The following TGM1 variants were observed in gnomAD, a reference collection of about 807,000 sequenced individuals.
The protein encoded by TGM1 is protein-glutamine gamma-glutamyltransferase K.
In TGM1, 63 loss-of-function variants were observed where a neutral mutation model predicts 88.7. The ratio of observed to expected loss-of-function variants is 0.71; its 90% CI spans 0.58 to 0.88. The LOEUF (loss-of-function observed/expected upper bound fraction) is 0.88. TGM1 is among the 40% of genes least tolerant of loss of function. TGM1 has a pLI of 0.00. For missense variants in TGM1, 996 were observed against 1,118.0 expected (o/e 0.89, Z 1.56); for synonymous variants, 415 against 431.1 (o/e 0.96, Z 0.46).
At position 24,260,497 on chromosome 14, in the gene TGM1, A is replaced by G; in HGVS notation, c.710T>C (p.Phe237Ser). ...QSDAGEFQLPFDPRNEIYILF... is the reference protein window; with the variant it reads ...QSDAGEFQLPSDPRNEIYILF... Reference sequence around the variant, plus strand: ...GATGTAGATCTCATTGCGGGGGTCAAAGGGCAACTGGAACTCCCCAGCGTC... The same window carrying G: ...GATGTAGATCTCATTGCGGGGGTCAGAGGGCAACTGGAACTCCCCAGCGTC... Residue 237 changes from phenylalanine to serine, a missense_variant, in exon 4 of 15, where the codon TTT becomes TCT. Phe to Ser is a radical substitution (Grantham distance 155). Coordinates refer to ENST00000206765, the MANE Select transcript of TGM1 (RefSeq NM_000359.3). 6.2e-7 allele frequency: 1 copy of G among 1,613,852 alleles called. No homozygotes were observed. The highest frequency in any genetic ancestry group is 8.5e-7 in the Non-Finnish European group (1 of 1,179,908).
chr14:24,259,579 C>A lies in TGM1; in HGVS notation c.984+125G>T. Reference sequence around the variant, plus strand: ...GGAGGGAGACCCCTTCCTGAAGTATCCTTTACGAGGGCAGGGACAGGGCTG... The same window carrying A: ...GGAGGGAGACCCCTTCCTGAAGTATACTTTACGAGGGCAGGGACAGGGCTG... On this transcript the variant is annotated intron_variant, in intron 6 of 14. Transcript: ENST00000206765. The surrounding 1 kb of genome is among the most constrained non-coding windows in gnomAD (Gnocchi z 5.7). 2 of 836,778 alleles carry A rather than the reference C, an allele frequency of 2.4e-6. No individual in the cohort carries two copies. Among genetic ancestry groups the A allele is most frequent in the South Asian group, 1.4e-5 (1 of 69,566 alleles). The allele number at this position is 836,778 out of a possible 1,614,324, so 51.8% of individuals were successfully genotyped here. A position where few individuals can be genotyped will look rare whatever the true frequency, so the allele number is the denominator to read the frequency against.
rs1673008007 is a variant in TGM1 at position 24,255,853 on chromosome 14, CCT to C, written c.1491+134_1491+135del. On this transcript the variant is annotated intron_variant, in intron 10 of 14. Coordinates refer to ENST00000206765, the MANE Select transcript of TGM1 (RefSeq NM_000359.3). The surrounding 1 kb of genome is among the most constrained non-coding windows in gnomAD (Gnocchi z 4.0). ...GGAAGCAAGGCAGCCTTGATTATCC[CCT>C]TTTACAGGTGAGGAAACTGACTTGT... The C allele has an allele frequency of 3.7e-5, 30 of 806,060 alleles. No individual in the cohort carries two copies. In the East Asian group the frequency reaches 7.4e-4, roughly 20 times the overall value. The allele number at this position is 806,060 out of a possible 1,614,324, so 49.9% of individuals were successfully genotyped here.
chr14:24,261,459 G>T (rs1032943641), intron 3 of TGM1, among the ~76,000 whole-genome samples: 1 of 152,178 alleles, frequency 6.6e-6, no homozygotes, highest in African/African-American at 2.4e-5. Flanking sequence ...CTGAAGAGGA[G>T]TACTCTGAGA....
intron 14 of TGM1, among the ~76,000 whole-genome samples, chr14:24,252,045 A>C (rs913743527): frequency 8.5e-5 from 13 of 152,202 alleles, no homozygotes; most frequent in Non-Finnish European, 7.4e-5. Context: ...TGGAATGTTT[A>C]TTAAGTGGCC....
intron 14 of TGM1, among the ~76,000 whole-genome samples, chr14:24,251,164 C>T (rs1327390558): frequency 6.6e-6 from 1 of 152,130 alleles, no homozygotes; most frequent in Non-Finnish European, 1.5e-5. Flanking sequence ...TGTTTCTGAG[C>T]TCTCTGAAGG....
chr14:24,256,195 C>A, intron 9 of TGM1, 118 bp from the exon 10 acceptor site: 1 of 818,534 alleles, frequency 1.2e-6, no homozygotes, highest in Non-Finnish European at 2.1e-6. Flanking sequence ...GTCCCACTGC[C>A]TGGTGGCCTC....
rs956129522 is a variant in TGM1 at position 24,258,686 on chromosome 14, G to A, written c.1160-13C>T. 1.5e-5 allele frequency: 24 copies of A among 1,613,112 alleles called. No homozygotes were observed. The highest frequency in any genetic ancestry group is 1.2e-4 in the African/African-American group (9 of 74,940). ...AGGCAGCGCAGCACTGTGGAGGAGC[G>A]AAGGTTGGGGTTCAAGGCATGGGTT... On this transcript the variant is annotated splice_polypyrimidine_tract_variant and intron_variant, in intron 7 of 14. Coordinates refer to ENST00000206765, the MANE Select transcript of TGM1 (RefSeq NM_000359.3).
rs2040828630 is a variant in TGM1, at chr14:24,263,142, G to C, written c.-56C>G. ...TGAGTCCTGGGGCTGAGATGGAACA[G>C]GTCAGGATGGATGGGACAGGACCCA... is the stretch of plus-strand genomic sequence containing the variant. On this transcript the variant is annotated 5_prime_UTR_variant, in exon 1 of 15. Coordinates refer to ENST00000206765, the MANE Select transcript of TGM1 (RefSeq NM_000359.3). 1 of 153,074 alleles carries C rather than the reference G, an allele frequency of 6.5e-6. No homozygotes were observed. Among genetic ancestry groups the C allele is most frequent in the South Asian group, 2.1e-4 (1 of 4,852 alleles). The allele number at this position is 153,074 out of a possible 1,614,324, so 9.5% of individuals were successfully genotyped here. A position where few individuals can be genotyped will look rare whatever the true frequency, so the allele number is the denominator to read the frequency against.
At chr14:24,249,948 A>C (rs930001398) in intron 14 of TGM1, among the ~76,000 whole-genome samples, 2 of 152,164 alleles carry the variant, frequency 1.3e-5, no homozygotes, top group Non-Finnish European at 2.9e-5. Flanking sequence ...GCCCAACACA[A>C]TATTTTCAAA....
rs2040776947 is a variant in TGM1, at chr14:24,258,525, C to T, written c.1298+10G>A. The T allele has an allele frequency of 1.2e-6, 2 of 1,614,170 alleles. No homozygotes were observed. Among genetic ancestry groups the T allele is most frequent in the East Asian group, 4.5e-5 (2 of 44,884 alleles). ...TCTTCAGCACAGATGGGCAGTCCAC[C>T]CCAGCTCACCAGACAGAATCATGGT... On this transcript the variant is annotated intron_variant, in intron 8 of 14. Transcript: ENST00000206765.
intron 3 of TGM1, among the ~76,000 whole-genome samples, chr14:24,261,439 G>A (rs556202115): frequency 2.6e-5 from 4 of 152,282 alleles, no homozygotes; most frequent in South Asian, 4.1e-4. Flanking sequence ...AGGAGGCACC[G>A]AGGCAGGCCC....
Position 24,262,295 on chromosome 14 carries a change from G to A in TGM1, c.58C>T (p.Pro20Ser), listed in dbSNP as rs1297093834. 1 of 1,613,582 alleles carries A rather than the reference G, an allele frequency of 6.2e-7. No individual in the cohort carries two copies. Among genetic ancestry groups the A allele is most frequent in the Non-Finnish European group, 8.5e-7 (1 of 1,180,016 alleles). The change falls in exon 2 of 15, where the codon CCT becomes TCT. Residue 20 changes from proline (P) to serine (S), a missense_variant. Physicochemically the swap from Pro to Ser is moderately conservative, Grantham distance 74. Coordinates refer to ENST00000206765, the MANE Select transcript of TGM1 (RefSeq NM_000359.3). ...TCTGGCTCTGGAGATGGCGTGGTAG[G>A]GGGCTGCAAGGGGTTGCCACCCCAA... ...GRWGGNPLQP[P>S]TTPSPEPEPE...
intron 14 of TGM1, among the ~76,000 whole-genome samples, 161 bp from the exon 15 acceptor site, chr14:24,249,702 C>T (rs955727778): frequency 1.3e-5 from 2 of 152,260 alleles, no homozygotes; most frequent in South Asian, 2.1e-4. Context: ...ATCCCCAGGG[C>T]GCCTCTGCAT....
At chr14:24,261,974 G>T (rs2040815027) in intron 2 of TGM1, 60 bp downstream of exon 2, 2 of 1,610,420 alleles carry the variant, frequency 1.2e-6, no homozygotes, top group African/African-American at 2.7e-5. Flanking sequence ...ATGCCAGGCT[G>T]AGTCTCTGGT....
rs2040812982 is a variant in TGM1 at position 24,261,851 on chromosome 14, G to C, written c.352C>G (p.Leu118Val). 1 of 1,613,886 alleles carries C rather than the reference G, an allele frequency of 6.2e-7. No individual in the cohort carries two copies. Among genetic ancestry groups the C allele is most frequent in the Non-Finnish European group, 8.5e-7 (1 of 1,180,012 alleles). ...GMLVVNGVDL[L>V]SSRSDQNRRE... ...CGGTTCTGGTCCGAGCGCGAGCTCA[G>C]CAAGTCCACACCGTTCACTACTAGC... is the stretch of plus-strand genomic sequence containing the variant. The change falls in exon 3 of 15, where the codon CTG becomes GTG. Residue 118 changes from leucine (L) to valine (V), a missense_variant. Physicochemically the swap from Leu to Val is conservative, Grantham distance 32 (BLOSUM62 1). Transcript: ENST00000206765.
At chr14:24,262,452 G>T in intron 1 of TGM1, 98 bp from the exon 2 acceptor site, 2 of 1,314,438 alleles carry the variant, frequency 1.5e-6, no homozygotes, top group South Asian at 1.3e-5. Flanking sequence ...CCCACCCGAT[G>T]ACCGAAACAA....
In TGM1 at chr14:24,259,169, C is replaced by A; in HGVS notation, c.1065G>T (p.Trp355Cys). Reference protein sequence around the residue: ...DYSRGTNPSAWVGSVEILLSY... With the variant: ...DYSRGTNPSACVGSVEILLSY... ...TAAGCAGGATCTCCACGCTGCCCAC[C>A]CACGCTGATGGGTTGGTGCCTCGGG... The change falls in exon 7 of 15, where the codon TGG becomes TGT. Residue 355 changes from tryptophan to cysteine, a missense_variant. By Grantham distance (215) the Trp-to-Cys change is radical (BLOSUM62 -2). Transcript: ENST00000206765. This position sits in a 1 kb window ranked among gnomAD's most constrained non-coding sequence, Gnocchi z 5.7. 1 of 1,614,132 alleles carries A rather than the reference C, an allele frequency of 6.2e-7. No individual in the cohort carries two copies. The highest frequency in any genetic ancestry group is 8.5e-7 in the Non-Finnish European group (1 of 1,179,996).
At chr14:24,262,508 C>A (rs41295332) in intron 1 of TGM1, among the ~76,000 whole-genome samples, 154 bp from the exon 2 acceptor site, 2 of 152,188 alleles carry the variant, frequency 1.3e-5, no homozygotes, top group African/African-American at 4.8e-5. Flanking sequence ...AGAGACCTTC[C>A]GCGAAGACCA....
At chr14:24,256,117 G>A (rs1376196562) in intron 9 of TGM1, 40 bp from the exon 10 acceptor site, 2 of 1,497,390 alleles carry the variant, frequency 1.3e-6, no homozygotes, top group African/African-American at 2.8e-5. Context: ...GATCTGAGAA[G>A]GCGGAGAGGG....
Sources: allele counts gnomAD v4.1 joint callset (sites outside exome capture counted in the v4.1 genomes callset), GRCh38; gene constraint gnomAD v4.1.1; non-coding constraint Gnocchi (gnomAD v3.1); transcripts MANE v1.5; gene names NCBI Gene and HGNC (gene_info 2026-07-23, HGNC 2026-07-21).